EIPR1: variants seen among roughly 807,000 people sequenced by gnomAD.
The protein encoded by EIPR1 is EARP complex and GARP complex interacting protein 1, also known as EARP and GARP complex-interacting protein 1.
In EIPR1, 25 loss-of-function variants were observed where a neutral mutation model predicts 48.1. The ratio of observed to expected loss-of-function variants is 0.52; its 90% CI spans 0.38 to 0.73. The LOEUF (loss-of-function observed/expected upper bound fraction) is 0.73, where lower values mean the gene tolerates loss of function less well. EIPR1 is among the 30% of genes least tolerant of loss of function. The pLI, the probability that EIPR1 is intolerant of heterozygous loss-of-function variation, is 0.00. For missense variants in EIPR1, 415 were observed against 506.2 expected, an observed-to-expected ratio of 0.82 and a Z score of 1.73; for synonymous variants, 204 against 201.9, an observed-to-expected ratio of 1.01 and a Z score of -0.09.
At chr2:3,210,902 G>C (rs1324674996) in intron 5 of EIPR1, among the ~76,000 whole-genome samples, 1 of 152,164 alleles carries the variant, frequency 6.6e-6, no homozygotes, top group Non-Finnish European at 1.5e-5. Context: ...ACCTCCCAAA[G>C]TGCTGGGATT....
chr2:3,299,007 C>T (rs908572176), intron 3 of EIPR1, among the ~76,000 whole-genome samples: 4 of 152,206 alleles, frequency 2.6e-5, no homozygotes, highest in African/African-American at 7.2e-5. Context: ...GTCCAGTCCT[C>T]TCCCGCTTAA....
At chr2:3,203,095 G>A (rs1665106548) in intron 5 of EIPR1, among the ~76,000 whole-genome samples, 2 of 152,202 alleles carry the variant, frequency 1.3e-5, no homozygotes, top group South Asian at 4.1e-4. Context: ...TCATTTCCTA[G>A]TGAAATTATC....
chr2:3,189,394 A>T lies in EIPR1; in HGVS notation c.1104T>A (p.Tyr368Ter), dbSNP rs755285700. The T allele has an allele frequency of 6.2e-7, 1 of 1,603,982 alleles. No individual in the cohort carries two copies. The highest frequency in any genetic ancestry group is 8.5e-7 in the Non-Finnish European group (1 of 1,174,692). Residue 368 changes from tyrosine to a stop codon, truncating the protein, a stop_gained, in exon 9 of 9, where the codon TAT becomes TAA. Coordinates refer to ENST00000382125, the MANE Select transcript of EIPR1 (RefSeq NM_003310.5). LOFTEE classifies it high-confidence loss of function. This position sits in a 1 kb window ranked among gnomAD's most constrained non-coding sequence, Gnocchi z 4.6. ...ADPWLFASLSYDGRLVINRVP... is the reference protein window; with the variant it reads ...ADPWLFASLS ...CCCTGTTGATCACGAGCCTCCCGTC[A>T]TAGCTCAGGGAGGCAAACAGCCACG...
chr2:3,293,545 C>T lies in EIPR1; in HGVS notation c.260-36090G>A, dbSNP rs1330230659. 3.3e-5 allele frequency among the ~76,000 whole-genome samples: 5 copies of T among 152,218 alleles called. No homozygotes were observed. The East Asian group carries it at 5.8e-4, about 18-fold the overall frequency. Reference sequence around the variant, plus strand: ...GCACACAGAAGACCTGCTTCAAAGACGGGCCCATCAGCCACGACTGGACCA... The same window carrying T: ...GCACACAGAAGACCTGCTTCAAAGATGGGCCCATCAGCCACGACTGGACCA... On this transcript the variant is annotated intron_variant, in intron 3 of 8. Coordinates refer to ENST00000382125, the MANE Select transcript of EIPR1 (RefSeq NM_003310.5).
chr2:3,231,557 G>T (rs928820459), intron 4 of EIPR1, among the ~76,000 whole-genome samples: 1 of 152,136 alleles, frequency 6.6e-6, no homozygotes, highest in African/African-American at 2.4e-5. Flanking sequence ...AAAAGATGTT[G>T]AATTTTGTCA....
intron 2 of EIPR1, among the ~76,000 whole-genome samples, chr2:3,339,632 T>C (rs533480822): frequency 1.6e-4 from 25 of 152,284 alleles, no homozygotes; most frequent in African/African-American, 6.0e-4. Context: ...CAGTGAATTC[T>C]CCTGAGACCT....
chr2:3,293,338 G>C (rs953244559), intron 3 of EIPR1, among the ~76,000 whole-genome samples: 1 of 152,208 alleles, frequency 6.6e-6, no homozygotes, highest in Non-Finnish European at 1.5e-5. Flanking sequence ...AAGACTTCAG[G>C]AGGGGCGTGG....
At chr2:3,298,030 G>A (rs565920216) in intron 3 of EIPR1, among the ~76,000 whole-genome samples, 1 of 152,298 alleles carries the variant, frequency 6.6e-6, no homozygotes, top group African/African-American at 2.4e-5. Context: ...AGGCACTTTT[G>A]AGCCTATGGG....
At position 3,196,973 on chromosome 2, in the gene EIPR1, G is replaced by A. The variant is rs867774801; in HGVS notation, c.561C>T (p.Phe187=). 2 of 1,613,962 alleles carry A rather than the reference G, an allele frequency of 1.2e-6. No individual in the cohort carries two copies. The highest frequency in any genetic ancestry group is 1.7e-6 in the Non-Finnish European group (2 of 1,180,046). ...GATGTGGGCTCCACCGTCCTGAGGTGAACTTCAGTTGTCCCTTCCCTTCCA... is the reference window on the plus strand; with the variant it reads ...GATGTGGGCTCCACCGTCCTGAGGTAAACTTCAGTTGTCCCTTCCCTTCCA... The part of the protein sequence containing the change: ...ASLEGKGQLK[F]TSGRWSPHHN... Residue 187 remains phenylalanine (F), a synonymous_variant, in exon 6 of 9, where the codon TTC becomes TTT. Transcript: ENST00000382125.
intron 4 of EIPR1, among the ~76,000 whole-genome samples, chr2:3,217,506 A>C (rs1665678657): frequency 6.6e-6 from 1 of 152,252 alleles, no homozygotes. Context: ...TTAACAAATA[A>C]AAACATTAAA....
chr2:3,242,596 A>C (rs1011264026), intron 4 of EIPR1, among the ~76,000 whole-genome samples: 3 of 152,212 alleles, frequency 2.0e-5, no homozygotes, highest in African/African-American at 7.2e-5. Flanking sequence ...GACGGCTGGA[A>C]GACAGAGATT....
At chr2:3,225,727 C>G (rs879026791) in intron 4 of EIPR1, among the ~76,000 whole-genome samples, 6 of 152,138 alleles carry the variant, frequency 3.9e-5, no homozygotes, top group African/African-American at 1.4e-4. Flanking sequence ...TCGTGCTGTA[C>G]ATGAGGTGTC....
chr2:3,221,705 G>A (rs1263674613), intron 4 of EIPR1, among the ~76,000 whole-genome samples: 1 of 22,288 alleles, frequency 4.5e-5, no homozygotes, highest in African/African-American at 9.2e-5. Flanking sequence ...CAGTGAGACC[G>A]GAACACACGC....
chr2:3,249,636 G>C (rs552983311), intron 4 of EIPR1, among the ~76,000 whole-genome samples: 3 of 152,318 alleles, frequency 2.0e-5, no homozygotes, highest in African/African-American at 7.2e-5. Context: ...GACTAAAAAG[G>C]AACCAAGCAC....
At position 3,208,860 on chromosome 2, in the gene EIPR1, G is replaced by A. The variant is rs866066797; in HGVS notation, c.516+5289C>T. On this transcript the variant is annotated intron_variant, in intron 5 of 8. Coordinates refer to ENST00000382125, the MANE Select transcript of EIPR1 (RefSeq NM_003310.5). ...GTGTCTGGGGCCATCCCTGTTCCCC[G>A]ACTCCAGTGTTCCTCTTCCCCACAA... 53 of 1,550,368 alleles carry A rather than the reference G, an allele frequency of 3.4e-5. No individual in the cohort carries two copies. The Admixed American group carries it at 6.3e-4, about 18-fold the overall frequency.
At chr2:3,316,604 A>C (rs763075122) in intron 3 of EIPR1, among the ~76,000 whole-genome samples, 5 of 152,192 alleles carry the variant, frequency 3.3e-5, no homozygotes, top group Non-Finnish European at 4.4e-5. Flanking sequence ...TATGAGACCC[A>C]TTCCTCAAGT....
intron 1 of EIPR1, among the ~76,000 whole-genome samples, chr2:3,359,685 T>C (rs965125464): frequency 6.6e-6 from 1 of 152,242 alleles, no homozygotes; most frequent in Non-Finnish European, 1.5e-5. Context: ...AAGTGTATAA[T>C]TCTACCTCTT....
intron 1 of EIPR1, among the ~76,000 whole-genome samples, chr2:3,367,150 T>C (rs1323429364): frequency 6.6e-6 from 1 of 151,646 alleles, no homozygotes; most frequent in Non-Finnish European, 1.5e-5. Context: ...AAATCCTCAA[T>C]TCTCAGAGAC....
At chr2:3,364,871 C>G (rs1348194367) in intron 1 of EIPR1, among the ~76,000 whole-genome samples, 1 of 151,850 alleles carries the variant, frequency 6.6e-6, no homozygotes, top group Non-Finnish European at 1.5e-5. Context: ...TTAATAGGTA[C>G]AAATATACAG....
Sources: allele counts gnomAD v4.1 joint callset (sites outside exome capture counted in the v4.1 genomes callset), GRCh38; gene constraint gnomAD v4.1.1; non-coding constraint Gnocchi (gnomAD v3.1); transcripts MANE v1.5; gene names NCBI Gene and HGNC (gene_info 2026-07-23, HGNC 2026-07-21).